The following ARMC8 variants were observed in gnomAD, a reference collection of about 807,000 sequenced individuals.
The protein encoded by ARMC8 is armadillo repeat-containing protein 8.
ARMC8 carries 20 observed loss-of-function variants against 99.3 expected under a neutral mutation model. The ratio of observed to expected loss-of-function variants is 0.20; its 90% CI spans 0.14 to 0.29. ARMC8 has a LOEUF of 0.29. ARMC8 is among the 10% of genes least tolerant of loss of function. ARMC8 has a pLI of 1.00. For synonymous variants in ARMC8, 263 were observed against 278.3 expected, an observed-to-expected ratio of 0.95 and a Z score of 0.55; for missense variants, 569 against 809.5, an observed-to-expected ratio of 0.70 and a Z score of 3.60.
intron 2 of ARMC8, among the ~76,000 whole-genome samples, chr3:138,213,576 C>G (rs2044831092): frequency 6.6e-6 from 1 of 152,024 alleles, no homozygotes; most frequent in Admixed American, 6.5e-5. Context: ...GTAGCCTTCG[C>G]AACTACAACA....
At chr3:138,242,090 A>G in intron 11 of ARMC8, 107 bp downstream of exon 11, 2 of 831,608 alleles carry the variant, frequency 2.4e-6, no homozygotes, top group Admixed American at 2.6e-5. Flanking sequence ...GCCCTTTTAA[A>G]TAAAGGTTCT....
intron 1 of ARMC8, among the ~76,000 whole-genome samples, chr3:138,189,017 T>TA (rs1054827258): frequency 2.4e-4 from 37 of 151,024 alleles, no homozygotes; most frequent in South Asian, 4.2e-4. Context: ...CTCATTATGT[T>TA]AAAAAAAAAT....
At chr3:138,252,076 T>G (rs972702043) in intron 12 of ARMC8, among the ~76,000 whole-genome samples, 8 of 152,224 alleles carry the variant, frequency 5.3e-5, no homozygotes, top group Admixed American at 3.9e-4. Context: ...GGATTGTTGC[T>G]ATGCTCTTTC....
intron 14 of ARMC8, among the ~76,000 whole-genome samples, chr3:138,265,250 C>T (rs1204564236): frequency 6.6e-6 from 1 of 151,888 alleles, no homozygotes; most frequent in African/African-American, 2.4e-5. Context: ...TCTTCAGGCC[C>T]CTTTTGTCCC....
intron 1 of ARMC8, among the ~76,000 whole-genome samples, chr3:138,207,768 G>A (rs1252597334): frequency 6.6e-6 from 1 of 152,160 alleles, no homozygotes; most frequent in African/African-American, 2.4e-5. Flanking sequence ...AATGGGTAAA[G>A]ATCATGAGAA....
intron 12 of ARMC8, among the ~76,000 whole-genome samples, chr3:138,256,887 T>A (rs2047437159): frequency 6.6e-6 from 1 of 152,174 alleles, no homozygotes; most frequent in Non-Finnish European, 1.5e-5. Flanking sequence ...TAGTTAAGGC[T>A]AAGTGAAAAA....
In ARMC8 at chr3:138,229,138, A is replaced by G. The variant is rs1357725031; in HGVS notation, c.528+128A>G. On this transcript the variant is annotated intron_variant, in intron 6 of 21. Coordinates refer to ENST00000469044, the MANE Select transcript of ARMC8 (RefSeq NM_001363941.2). ...AGTAGACCTGTGTGTGTGCGTGTAT[A>G]TATATATATATATATATATATATAT... 270 of 39,734 alleles carry G rather than the reference A, an allele frequency of 6.8e-3. 5 individuals carry two copies. Among genetic ancestry groups the G allele is most frequent in the African/African-American group, 0.039 (230 of 5,824 alleles). The allele number at this position is 39,734 out of a possible 1,614,324, so 2.5% of individuals were successfully genotyped here. A position where few individuals can be genotyped will look rare whatever the true frequency, so the allele number is the denominator to read the frequency against.
chr3:138,291,594 G>T (rs897789193), intron 21 of ARMC8, among the ~76,000 whole-genome samples: 3 of 152,242 alleles, frequency 2.0e-5, no homozygotes, highest in Admixed American at 6.5e-5. Flanking sequence ...ACGTAACACA[G>T]TATCAGGTGA....
intron 18 of ARMC8, 48 bp downstream of exon 18, chr3:138,274,592 A>G (rs753792118): frequency 7.1e-7 from 1 of 1,411,628 alleles, no homozygotes; most frequent in Non-Finnish European, 1.0e-6. Flanking sequence ...TGTGAGCACA[A>G]AGGAAGTTCT....
In ARMC8 at chr3:138,287,768, G is replaced by A; in HGVS notation, c.1822-1280G>A. 1.1e-5 allele frequency: 5 copies of A among 445,442 alleles called. No homozygotes were observed. In the East Asian group the frequency reaches 3.5e-4, roughly 31 times the overall value. The allele number at this position is 445,442 out of a possible 1,614,324, so 27.6% of individuals were successfully genotyped here. On this transcript the variant is annotated intron_variant, in intron 19 of 21. Transcript: ENST00000469044. Reference sequence around the variant, plus strand: ...GTTGAAATATAGTCCTACATGAGAAGATAAGTCTGTCTTAGCCTTGAAAAA... The same window carrying A: ...GTTGAAATATAGTCCTACATGAGAAAATAAGTCTGTCTTAGCCTTGAAAAA...
At chr3:138,244,741 C>T (rs1400778499) in intron 11 of ARMC8, among the ~76,000 whole-genome samples, 1 of 152,216 alleles carries the variant, frequency 6.6e-6, no homozygotes, top group Non-Finnish European at 1.5e-5. Flanking sequence ...GAGAACATTT[C>T]AAAGAGCTGC....
intron 16 of ARMC8, among the ~76,000 whole-genome samples, chr3:138,271,540 CA>C (rs1387723622): frequency 6.6e-6 from 1 of 152,178 alleles, no homozygotes; most frequent in Non-Finnish European, 1.5e-5. Context: ...TTTCACTCCT[CA>C]AATCTGTACA....
intron 19 of ARMC8, among the ~76,000 whole-genome samples, chr3:138,285,430 T>C (rs185188970): frequency 8.5e-5 from 13 of 152,294 alleles, no homozygotes; most frequent in African/African-American, 3.1e-4. Flanking sequence ...TATTCCTCTC[T>C]TCCTTTGTTC....
At position 138,235,176 on chromosome 3, in the gene ARMC8, C is replaced by A. The variant is rs1421577878; in HGVS notation, c.609+62C>A. On this transcript the variant is annotated intron_variant, in intron 7 of 21. Coordinates refer to ENST00000469044, the MANE Select transcript of ARMC8 (RefSeq NM_001363941.2). ...TTGTTTGTGATTTCTAGAAACAGAC[C>A]CACATATTTTTATTGTTTCTTTGAT... 11 of 1,137,660 alleles carry A rather than the reference C, an allele frequency of 9.7e-6. 1 individual carries two copies. In the South Asian group the frequency reaches 1.2e-4, roughly 13 times the overall value. 70.5% of individuals were successfully genotyped at this position (1,137,660 alleles called of 1,614,324 possible). A position where few individuals can be genotyped will look rare whatever the true frequency, so the allele number is the denominator to read the frequency against.
chr3:138,276,208 G>A lies in ARMC8; in HGVS notation c.1725+1664G>A, dbSNP rs147808715. Among the ~76,000 whole-genome samples, 204 of 152,252 alleles carry A rather than the reference G, an allele frequency of 1.3e-3. 1 individual carries two copies. The highest frequency in any genetic ancestry group is 0.012 in the South Asian group (57 of 4,826). ...GGCGAGTATGGGAGGCTAAACAGTC[G>A]GCTCACTAGCTAGAAGTTTAATGCT... On this transcript the variant is annotated intron_variant, in intron 18 of 21. Transcript: ENST00000469044.
intron 1 of ARMC8, among the ~76,000 whole-genome samples, chr3:138,202,324 G>A (rs2044130007): frequency 6.6e-6 from 1 of 152,196 alleles, no homozygotes; most frequent in Non-Finnish European, 1.5e-5. Flanking sequence ...AAGTAGATAT[G>A]AAAATGAACT....
chr3:138,207,564 G>A (rs73867045), intron 1 of ARMC8, among the ~76,000 whole-genome samples: 7,526 of 152,062 alleles, frequency 0.049, 621 homozygotes, highest in African/African-American at 0.17. Context: ...TGGATAGGAG[G>A]GTCTGAGGTA....
At chr3:138,229,186 A>G (rs1213837198) in intron 6 of ARMC8, 176 bp downstream of exon 6, 2 of 107,854 alleles carry the variant, frequency 1.9e-5, no homozygotes, top group Admixed American at 9.5e-5. Flanking sequence ...ATATATATGT[A>G]TATGTATATG....
At position 138,264,137 on chromosome 3, in the gene ARMC8, G is replaced by A. The variant is rs1265650771; in HGVS notation, c.1224G>A (p.Leu408=). 1.2e-6 allele frequency: 2 copies of A among 1,612,928 alleles called. No homozygotes were observed. The highest frequency in any genetic ancestry group is 1.7e-5 in the Admixed American group (1 of 59,872). The change falls in exon 14 of 22, where the codon TTG becomes TTA. Residue 408 remains leucine, a synonymous_variant. Coordinates refer to ENST00000469044, the MANE Select transcript of ARMC8 (RefSeq NM_001363941.2). ...VKVRLAAVRC[L]HSLSRSVQQL... is the part of the protein sequence containing the mutation. Reference sequence around the variant, plus strand: ...TTTTGATTATTCTTTGTAGATGTTTGCACAGTTTATCCAGATCTGTGCAGC... The same window carrying A: ...TTTTGATTATTCTTTGTAGATGTTTACACAGTTTATCCAGATCTGTGCAGC...
Sources: gnomAD v4.1 joint callset for allele counts (sites outside exome capture counted in the v4.1 genomes callset) on GRCh38, gnomAD v4.1.1 for gene constraint, MANE v1.5 for transcripts, NCBI Gene and HGNC (gene_info 2026-07-23, HGNC 2026-07-21) for gene names.